The following NRG1 variants were observed in gnomAD, a reference collection of about 807,000 sequenced individuals.
NRG1 encodes the protein neuregulin 1, also known as pro-neuregulin-1, membrane-bound isoform.
NRG1 carries 18 observed loss-of-function variants against 63.8 expected under a neutral mutation model. The ratio of observed to expected loss-of-function variants is 0.28; its 90% CI spans 0.19 to 0.42. The LOEUF is 0.42. Among genes scored for constraint, NRG1 ranks in the 10% least tolerant of loss-of-function variants. The probability of loss-of-function intolerance (pLI) is 1.00; values close to 1 mark genes in which losing one functional copy is unlikely to be tolerated. For synonymous variants in NRG1, 302 were observed against 301.3 expected (o/e 1.00, Z -0.02); for missense variants, 762 against 814.7 (o/e 0.94, Z 0.79).
At chr8:32,161,672 G>T (rs1838848249) in intron 1 of NRG1, among the ~76,000 whole-genome samples, 1 of 152,176 alleles carries the variant, frequency 6.6e-6, no homozygotes, top group African/African-American at 2.4e-5. Context: ...TATCTTGTTG[G>T]TATAAATTCC....
chr8:32,321,946 A>C (rs1410498630), intron 1 of NRG1, among the ~76,000 whole-genome samples: 1 of 152,062 alleles, frequency 6.6e-6, no homozygotes, highest in Non-Finnish European at 1.5e-5. Flanking sequence ...GCTTTATTCC[A>C]GGTGCCCAAA....
intron 1 of NRG1, among the ~76,000 whole-genome samples, chr8:31,693,370 C>T (rs775735991): frequency 3.3e-5 from 5 of 152,120 alleles, no homozygotes; most frequent in Non-Finnish European, 7.3e-5. Flanking sequence ...AAGGCATTAA[C>T]ATTTACATTT....
intron 1 of NRG1, among the ~76,000 whole-genome samples, chr8:32,027,456 CCTTCCTTCCT>C (rs1817598533): frequency 1.0e-4 from 13 of 126,664 alleles, no homozygotes; most frequent in African/African-American, 3.0e-4. Context: ...TTCCTTCCTT[CCTTCCTTCCT>C]TCCCTCCCTC....
chr8:32,053,671 G>A (rs1822365997), intron 1 of NRG1, among the ~76,000 whole-genome samples: 1 of 152,164 alleles, frequency 6.6e-6, no homozygotes, highest in Non-Finnish European at 1.5e-5. Flanking sequence ...AAGGTGAATT[G>A]CAAAGGGCTT....
intron 1 of NRG1, among the ~76,000 whole-genome samples, chr8:32,262,259 C>T (rs1303295275): frequency 6.6e-6 from 1 of 152,140 alleles, no homozygotes; most frequent in African/African-American, 2.4e-5. Context: ...GTTCCAGCTC[C>T]TTGTACAGAC....
Position 32,726,026 on chromosome 8 carries a change from C to T in NRG1, c.503-1923C>T, listed in dbSNP as rs775715184. 1.4e-3 allele frequency among the ~76,000 whole-genome samples: 217 copies of T among 151,944 alleles called. 3 individuals are homozygous for T. Among genetic ancestry groups the T allele is most frequent in the Non-Finnish European group, 2.2e-3 (150 of 67,956 alleles). On this transcript the variant is annotated intron_variant, in intron 5 of 11. Transcript: ENST00000356819. ...CCTGTCTACTCATTCTTTCTTATTC[C>T]TTTTGTTTAGTTTGTTTGCTTTGTA...
intron 1 of NRG1, among the ~76,000 whole-genome samples, chr8:32,446,700 G>A (rs1161896626): frequency 6.6e-6 from 1 of 151,936 alleles, no homozygotes; most frequent in African/African-American, 2.4e-5. Flanking sequence ...GACAGAAGGA[G>A]TGTTTATATT....
At chr8:32,431,166 A>G (rs1044377274) in intron 1 of NRG1, among the ~76,000 whole-genome samples, 8 of 152,206 alleles carry the variant, frequency 5.3e-5, no homozygotes, top group African/African-American at 1.9e-4. Context: ...ATTTAAGCCC[A>G]GATCTTTCTG....
At chr8:32,221,913 A>G (rs1845853928) in intron 1 of NRG1, among the ~76,000 whole-genome samples, 1 of 152,008 alleles carries the variant, frequency 6.6e-6, no homozygotes. Flanking sequence ...TTATTTTCAC[A>G]CTTACAATTC....
chr8:32,223,242 G>A lies in NRG1; in HGVS notation c.38-372586G>A, dbSNP rs960512362. Among the ~76,000 whole-genome samples, 6 of 152,178 alleles carry A rather than the reference G, an allele frequency of 3.9e-5. No individual in the cohort carries two copies. The South Asian group carries it at 1.2e-3, about 32-fold the overall frequency. Reference sequence around the variant, plus strand: ...ATGTTTAAATCCATTCTTTTAAAACGATAAACAACTTCTCTAACTGGAAAT... The same window carrying A: ...ATGTTTAAATCCATTCTTTTAAAACAATAAACAACTTCTCTAACTGGAAAT... On this transcript the variant is annotated intron_variant, in intron 1 of 10. Transcript: ENST00000519301.
At chr8:31,936,808 C>T (rs1050605841) in intron 1 of NRG1, among the ~76,000 whole-genome samples, 1 of 152,068 alleles carries the variant, frequency 6.6e-6, no homozygotes, top group Non-Finnish European at 1.5e-5. Context: ...CACATACAAC[C>T]AAAACAAATC....
chr8:32,120,613 C>A (rs543183879), intron 1 of NRG1, among the ~76,000 whole-genome samples: 2 of 152,122 alleles, frequency 1.3e-5, no homozygotes, highest in Non-Finnish European at 2.9e-5. Context: ...TTTGGAATCT[C>A]TAGAAAGAAG....
chr8:31,868,622 C>G (rs1829204550), intron 1 of NRG1, among the ~76,000 whole-genome samples: 1 of 152,152 alleles, frequency 6.6e-6, no homozygotes, highest in South Asian at 2.1e-4. Context: ...TTTGGTCTTT[C>G]AAATGTATTC....
intron 1 of NRG1, among the ~76,000 whole-genome samples, chr8:32,112,271 T>C (rs541336371): frequency 5.9e-5 from 9 of 152,336 alleles, no homozygotes; most frequent in South Asian, 2.1e-4. Context: ...GCTTCATTCC[T>C]GATTTAATTG....
At chr8:31,772,997 CT>C (rs1307743387) in intron 1 of NRG1, among the ~76,000 whole-genome samples, 1 of 152,188 alleles carries the variant, frequency 6.6e-6, no homozygotes, top group Non-Finnish European at 1.5e-5. Flanking sequence ...AGCAGACTTA[CT>C]GTATGATATG....
chr8:32,440,784 A>G (rs1309435316), intron 1 of NRG1: 1 of 152,172 alleles, frequency 6.6e-6, no homozygotes, highest in Non-Finnish European at 1.5e-5. Flanking sequence ...ACCAACATGT[A>G]TGCCATCTTT....
chr8:32,678,704 A>G (rs1304746226), intron 5 of NRG1, among the ~76,000 whole-genome samples: 6 of 152,170 alleles, frequency 3.9e-5, no homozygotes, highest in East Asian at 1.9e-4. Flanking sequence ...CTTTGGTGAA[A>G]TTAATTAATA....
intron 1 of NRG1, among the ~76,000 whole-genome samples, chr8:32,180,517 A>T (rs1841320258): frequency 6.6e-6 from 1 of 152,110 alleles, no homozygotes. Context: ...AAGTAACAAG[A>T]TCTACTAACA....
chr8:32,254,669 G>A (rs1221951262), intron 1 of NRG1, among the ~76,000 whole-genome samples: 2 of 152,170 alleles, frequency 1.3e-5, no homozygotes, highest in East Asian at 1.9e-4. Flanking sequence ...GGGGTGTAGA[G>A]TTCTGTAGAT....
Sources: allele counts gnomAD v4.1 joint callset (sites outside exome capture counted in the v4.1 genomes callset), GRCh38; gene constraint gnomAD v4.1.1; transcripts MANE v1.5; gene names NCBI Gene and HGNC (gene_info 2026-07-23, HGNC 2026-07-21).